NRXN3: variants seen among roughly 807,000 people sequenced by gnomAD.
The protein encoded by NRXN3 is neurexin III.
In NRXN3, 32 loss-of-function variants were observed where a neutral mutation model predicts 137.6. The ratio of observed to expected loss-of-function variants is 0.23; its 90% CI spans 0.18 to 0.31. The LOEUF (loss-of-function observed/expected upper bound fraction) is 0.31, where lower values mean the gene tolerates loss of function less well. NRXN3 is among the 10% of genes least tolerant of loss of function. The pLI is 1.00. For synonymous variants in NRXN3, 798 were observed against 784.5 expected, an observed-to-expected ratio of 1.02 and a Z score of -0.29; for missense variants, 1,574 against 2,062.5, an observed-to-expected ratio of 0.76 and a Z score of 4.59.
chr14:78,315,355 TC>T (rs1215295952), intron 4 of NRXN3, among the ~76,000 whole-genome samples: 3 of 152,154 alleles, frequency 2.0e-5, no homozygotes, highest in African/African-American at 7.2e-5. Flanking sequence ...TTTCTCAAAT[TC>T]GTGAGAATCA....
chr14:79,011,445 A>C (rs943672675), intron 15 of NRXN3, among the ~76,000 whole-genome samples: 1 of 149,446 alleles, frequency 6.7e-6, no homozygotes, highest in Non-Finnish European at 1.5e-5. Context: ...AAAAAAAAAA[A>C]AACAATTCAA....
intron 4 of NRXN3, among the ~76,000 whole-genome samples, chr14:78,619,172 T>A (rs550387494): frequency 6.6e-6 from 1 of 152,302 alleles, no homozygotes; most frequent in East Asian, 1.9e-4. Flanking sequence ...TCACAGGATG[T>A]TAGAGAAATC....
rs114488611 is a variant in NRXN3 at position 78,435,839 on chromosome 14, C to T, written c.757+137979C>T. On this transcript the variant is annotated intron_variant, in intron 4 of 20. Coordinates refer to ENST00000335750, the MANE Select transcript of NRXN3 (RefSeq NM_001330195.2). ...TCACATTTGCTTCTCTTTCTGGATGCGTTTCATCATGAAAGGGTTTGCAAG... is the reference window on the plus strand; with the variant it reads ...TCACATTTGCTTCTCTTTCTGGATGTGTTTCATCATGAAAGGGTTTGCAAG... 2.6e-5 allele frequency among the ~76,000 whole-genome samples: 4 copies of T among 152,216 alleles called. No individual in the cohort carries two copies. In the East Asian group the frequency reaches 5.8e-4, roughly 22 times the overall value.
At chr14:78,375,258 T>A (rs1416644762) in intron 4 of NRXN3, among the ~76,000 whole-genome samples, 1 of 152,238 alleles carries the variant, frequency 6.6e-6, no homozygotes, top group Non-Finnish European at 1.5e-5. Flanking sequence ...TAGGAAAAAC[T>A]TTGCCTCTTT....
chr14:78,948,460 C>T (rs927835735), intron 10 of NRXN3, among the ~76,000 whole-genome samples: 2 of 152,120 alleles, frequency 1.3e-5, no homozygotes, highest in Admixed American at 6.5e-5. Context: ...AAGTGGGGGA[C>T]CATCAAACTG....
intron 19 of NRXN3, among the ~76,000 whole-genome samples, chr14:79,752,052 G>T (rs2098999743): frequency 6.6e-6 from 1 of 152,072 alleles, no homozygotes; most frequent in Non-Finnish European, 1.5e-5. Context: ...TTGTGTCTCT[G>T]TCCAGCTTTG....
At chr14:79,051,123 A>T (rs2099641255) in intron 15 of NRXN3, among the ~76,000 whole-genome samples, 1 of 152,190 alleles carries the variant, frequency 6.6e-6, no homozygotes, top group Non-Finnish European at 1.5e-5. Flanking sequence ...ATAGAGCCAG[A>T]ATCAGAATGT....
chr14:79,439,159 A>G (rs2095891020), intron 15 of NRXN3, among the ~76,000 whole-genome samples: 1 of 152,234 alleles, frequency 6.6e-6, no homozygotes, highest in African/African-American at 2.4e-5. Context: ...GTGTTTACAT[A>G]GTCTGTTGTA....
At chr14:79,007,805 CAAA>C (rs1160867331) in intron 15 of NRXN3, among the ~76,000 whole-genome samples, 9 of 37,988 alleles carry the variant, frequency 2.4e-4, no homozygotes, top group Non-Finnish European at 5.4e-4. Context: ...GACTCCATCT[CAAA>C]AAAAAAAAAA....
At chr14:78,393,183 A>G (rs1189376642) in intron 4 of NRXN3, among the ~76,000 whole-genome samples, 1 of 147,958 alleles carries the variant, frequency 6.8e-6, no homozygotes, top group Non-Finnish European at 1.5e-5. Flanking sequence ...AATACATGTG[A>G]TTTTTTTTTT....
At chr14:78,777,770 A>T (rs2098749362) in intron 8 of NRXN3, among the ~76,000 whole-genome samples, 2 of 151,888 alleles carry the variant, frequency 1.3e-5, no homozygotes, top group South Asian at 4.2e-4. Flanking sequence ...TTTTTTTAAA[A>T]ATTTATTTTT....
intron 10 of NRXN3, among the ~76,000 whole-genome samples, chr14:78,943,676 A>ATATC (rs1567779082): frequency 9.3e-6 from 1 of 108,092 alleles, no homozygotes; most frequent in African/African-American, 3.1e-5. Flanking sequence ...ATATATATAT[A>ATATC]TATCTCAAAG....
chr14:79,585,005 CT>C (rs1375194983), intron 16 of NRXN3, among the ~76,000 whole-genome samples: 4 of 152,192 alleles, frequency 2.6e-5, no homozygotes, highest in Admixed American at 6.5e-5. Flanking sequence ...AACCAATGTC[CT>C]TTCTGTTCTA....
chr14:79,297,655 T>A (rs1304046340), intron 15 of NRXN3, among the ~76,000 whole-genome samples: 1 of 152,102 alleles, frequency 6.6e-6, no homozygotes, highest in Non-Finnish European at 1.5e-5. Context: ...TTAGCAAACT[T>A]TGAAAATCAT....
chr14:79,682,584 T>C lies in NRXN3; in HGVS notation c.3617-9589T>C, dbSNP rs948210377. Among the ~76,000 whole-genome samples the C allele has an allele frequency of 2.0e-5, 3 of 152,148 alleles. No homozygotes were observed. In the South Asian group the frequency reaches 6.2e-4, roughly 31 times the overall value. ...AACAAATAGGAGTGTAGACAATTCTTTAATTATTAACTTTACGGGGAGAAA... is the reference window on the plus strand; with the variant it reads ...AACAAATAGGAGTGTAGACAATTCTCTAATTATTAACTTTACGGGGAGAAA... On this transcript the variant is annotated intron_variant, in intron 17 of 20. Transcript: ENST00000335750.
intron 8 of NRXN3, among the ~76,000 whole-genome samples, chr14:78,789,606 AG>A (rs1443194567): frequency 6.6e-6 from 1 of 152,172 alleles, no homozygotes; most frequent in African/African-American, 2.4e-5. Flanking sequence ...TTGGTGCAAA[AG>A]TAATTGTGGT....
chr14:78,796,006 A>G (rs572410276), intron 8 of NRXN3, among the ~76,000 whole-genome samples: 30 of 152,220 alleles, frequency 2.0e-4, no homozygotes, highest in Non-Finnish European at 4.1e-4. Context: ...GCCAGTTATC[A>G]GTCTAGGGCT....
chr14:79,801,348 A>G (rs770372901), intron 19 of NRXN3, among the ~76,000 whole-genome samples: 1 of 152,216 alleles, frequency 6.6e-6, no homozygotes, highest in Non-Finnish European at 1.5e-5. Flanking sequence ...AAATGGAAGT[A>G]ATGAATTGTC....
intron 5 of NRXN3, among the ~76,000 whole-genome samples, chr14:78,646,121 CT>C (rs1226497113): frequency 6.6e-6 from 1 of 152,146 alleles, no homozygotes; most frequent in African/African-American, 2.4e-5. Flanking sequence ...TTGGAGCAGC[CT>C]TTCCTGGTTC....
Sources: allele counts gnomAD v4.1 joint callset (sites outside exome capture counted in the v4.1 genomes callset), GRCh38; gene constraint gnomAD v4.1.1; transcripts MANE v1.5; gene names NCBI Gene and HGNC (gene_info 2026-07-23, HGNC 2026-07-21).